NOL10: variants seen among roughly 807,000 people sequenced by gnomAD.
The protein encoded by NOL10 is H_NH0074G24.1.
Under a neutral mutation model 103.5 loss-of-function variants are expected in NOL10, and 58 were observed. The observed-to-expected ratio is 0.56, with a 90% CI of 0.45 to 0.70. The LOEUF (loss-of-function observed/expected upper bound fraction) is 0.70. Among genes scored for constraint, NOL10 ranks in the 30% least tolerant of loss-of-function variants. The pLI, the probability that NOL10 is intolerant of heterozygous loss-of-function variation, is 0.00. For missense variants in NOL10, 763 were observed against 807.3 expected (o/e 0.95, Z 0.67); for synonymous variants, 287 against 282.5 (o/e 1.02, Z -0.16).
At chr2:10,595,528 C>T (rs1426174663) in intron 17 of NOL10, among the ~76,000 whole-genome samples, 5 of 152,042 alleles carry the variant, frequency 3.3e-5, no homozygotes, top group African/African-American at 9.7e-5. Context: ...AACTCCTGGG[C>T]TCAAGTGATC....
chr2:10,597,104 G>C (rs1426514054), intron 17 of NOL10, among the ~76,000 whole-genome samples: 2 of 152,012 alleles, frequency 1.3e-5, no homozygotes, highest in African/African-American at 2.4e-5. Flanking sequence ...CAAAGTATTG[G>C]GAATACAGGC....
intron 17 of NOL10, among the ~76,000 whole-genome samples, chr2:10,598,738 G>A (rs1055038523): frequency 1.3e-5 from 2 of 152,048 alleles, no homozygotes; most frequent in African/African-American, 4.8e-5. Flanking sequence ...TGCTGGCTCC[G>A]TATCAAAAGT....
chr2:10,637,934 AGT>A (rs57210258), intron 13 of NOL10, among the ~76,000 whole-genome samples: 43,953 of 151,994 alleles, frequency 0.29, 6,909 homozygotes, highest in Non-Finnish European at 0.36. Context: ...TATTTTAAAC[AGT>A]CAAAATATTT....
intron 13 of NOL10, among the ~76,000 whole-genome samples, chr2:10,635,684 G>A (rs779389285): frequency 5.3e-5 from 8 of 152,188 alleles, no homozygotes; most frequent in Non-Finnish European, 1.0e-4. Flanking sequence ...TAGATTGTAA[G>A]CTCACAAGGG....
At position 10,596,259 on chromosome 2, in the gene NOL10, G is replaced by A. The variant is rs1296659955; in HGVS notation, c.1422+4594C>T. On this transcript the variant is annotated intron_variant, in intron 17 of 20. Transcript: ENST00000381685. ...ACAAGTTTTCCACAGATGGTGGTGG[G>A]GGGCGGGGGGCGGGCGCGAGGGAGT... Among the ~76,000 whole-genome samples, 5 of 136,996 alleles carry A rather than the reference G, an allele frequency of 3.6e-5. 1 individual carries two copies. Among genetic ancestry groups the A allele is most frequent in the African/African-American group, 1.1e-4 (4 of 37,810 alleles). 89.9% of individuals were successfully genotyped at this position (136,996 alleles called of 152,430 possible). A position where few individuals can be genotyped will look rare whatever the true frequency, so the allele number is the denominator to read the frequency against.
intron 1 of NOL10, among the ~76,000 whole-genome samples, chr2:10,688,344 T>C (rs1682360539): frequency 6.6e-6 from 1 of 152,196 alleles, no homozygotes; most frequent in Non-Finnish European, 1.5e-5. Context: ...CTACCAGGCC[T>C]ACCTCTCCAG....
chr2:10,586,981 C>A, intron 19 of NOL10, among the ~76,000 whole-genome samples: 1 of 143,296 alleles, frequency 7.0e-6, no homozygotes, highest in Non-Finnish European at 1.5e-5. Flanking sequence ...TTCAGGAAAT[C>A]AAAAGTTGTA....
At chr2:10,642,501 G>A (rs889188428) in intron 13 of NOL10, among the ~76,000 whole-genome samples, 4 of 152,028 alleles carry the variant, frequency 2.6e-5, no homozygotes, top group African/African-American at 7.3e-5. Context: ...ACTCTTGTCA[G>A]GACTCCCTGC....
intron 13 of NOL10, among the ~76,000 whole-genome samples, chr2:10,625,278 G>T (rs1355787153): frequency 6.6e-6 from 1 of 152,110 alleles, no homozygotes; most frequent in Non-Finnish European, 1.5e-5. Flanking sequence ...TGAACTTCAG[G>T]TGGTGATGTG....
chr2:10,591,816 C>A (rs1572249336), intron 17 of NOL10, among the ~76,000 whole-genome samples: 1 of 151,938 alleles, frequency 6.6e-6, no homozygotes, highest in East Asian at 1.9e-4. Context: ...CCAGCCTGGG[C>A]AACATGGTGA....
rs537687740 is a variant in NOL10 at position 10,662,033 on chromosome 2, G to A, written c.677+926C>T. Among the ~76,000 whole-genome samples, 70 of 152,034 alleles carry A rather than the reference G, an allele frequency of 4.6e-4. 2 individuals are homozygous for A. In the Middle Eastern group the frequency reaches 0.014, roughly 30 times the overall value. On this transcript the variant is annotated intron_variant, in intron 9 of 20. Transcript: ENST00000381685. The stretch of plus-strand genomic sequence containing the variant: ...CACTCTATAGTCAACAGTATGGCTC[G>A]CTTTTCCACTGACAGGCGCATTTGG...
chr2:10,646,771 T>C (rs548662899), intron 12 of NOL10, among the ~76,000 whole-genome samples: 8 of 152,270 alleles, frequency 5.3e-5, no homozygotes, highest in South Asian at 4.1e-4. Context: ...AGTCTACCAA[T>C]TCCAAGGCTC....
intron 19 of NOL10, among the ~76,000 whole-genome samples, chr2:10,583,682 G>A (rs974746082): frequency 9.9e-5 from 15 of 152,154 alleles, no homozygotes; most frequent in African/African-American, 3.6e-4. Context: ...TGGAGTTTGT[G>A]CTCCTTTTTC....
intron 11 of NOL10, among the ~76,000 whole-genome samples, chr2:10,655,492 A>G (rs895335392): frequency 1.3e-5 from 2 of 152,190 alleles, no homozygotes; most frequent in African/African-American, 4.8e-5. Flanking sequence ...GGGCTAAACC[A>G]TTTCTATTTT....
chr2:10,652,665 C>T (rs1482885021), intron 12 of NOL10, among the ~76,000 whole-genome samples: 1 of 152,136 alleles, frequency 6.6e-6, no homozygotes, highest in Non-Finnish European at 1.5e-5. Context: ...TGGCTCCTCC[C>T]CCTCATTCTC....
chr2:10,659,699 AG>A (rs1312133573), intron 9 of NOL10, among the ~76,000 whole-genome samples: 2 of 152,140 alleles, frequency 1.3e-5, no homozygotes, highest in African/African-American at 4.8e-5. Flanking sequence ...TCTCAAAAAT[AG>A]TAAGTAAATA....
intron 13 of NOL10, among the ~76,000 whole-genome samples, chr2:10,607,750 T>TTTTTTA (rs70953321): frequency 1.8e-3 from 267 of 144,742 alleles, no homozygotes; most frequent in Non-Finnish European, 3.0e-3. Flanking sequence ...AAAAACAATA[T>TTTTTTA]TTATTATTAT....
chr2:10,668,543 A>C, intron 7 of NOL10, 115 bp downstream of exon 7: 1 of 439,762 alleles, frequency 2.3e-6, no homozygotes, highest in Non-Finnish European at 4.2e-6. Context: ...CTTTTTAACT[A>C]AGTTGCTGGG....
chr2:10,682,012 G>A lies in NOL10; in HGVS notation c.170C>T (p.Thr57Ile), dbSNP rs1255818664. ...CTGTCCATCTTTTGACACCTTAATA[G>A]TGGTACACACAGTAGGCATTTCAAA... The part of the protein sequence containing the change: ...QDFEMPTVCT[T>I]IKVSKDGQYI... Residue 57 changes from threonine (T) to isoleucine (I), a missense_variant, in exon 3 of 21, where the codon ACT becomes ATT. By Grantham distance (89) the Thr-to-Ile change is moderately conservative. Coordinates refer to ENST00000381685, the MANE Select transcript of NOL10 (RefSeq NM_024894.4). 1.3e-6 allele frequency: 2 copies of A among 1,525,702 alleles called. No individual in the cohort carries two copies. Among genetic ancestry groups the A allele is most frequent in the South Asian group, 2.7e-5 (2 of 74,020 alleles). 94.5% of individuals were successfully genotyped at this position (1,525,702 alleles called of 1,614,324 possible).
Sources: allele counts gnomAD v4.1 joint callset (sites outside exome capture counted in the v4.1 genomes callset), GRCh38; gene constraint gnomAD v4.1.1; transcripts MANE v1.5; gene names NCBI Gene and HGNC (gene_info 2026-07-23, HGNC 2026-07-21).